PPARGC1A: variants seen among roughly 807,000 people sequenced by gnomAD.
PPARGC1A encodes the protein PPARG coactivator 1 alpha, also known as peroxisome proliferator-activated receptor gamma coactivator 1-alpha.
In PPARGC1A, 25 loss-of-function variants were observed where a neutral mutation model predicts 88.7. The observed-to-expected ratio is 0.28, with a 90% CI of 0.21 to 0.39. The LOEUF is 0.39. Among genes scored for constraint, PPARGC1A ranks in the 10% least tolerant of loss-of-function variants. The pLI, the probability that PPARGC1A is intolerant of heterozygous loss-of-function variation, is 1.00. For synonymous variants in PPARGC1A, 363 were observed against 355.6 expected, an observed-to-expected ratio of 1.02 and a Z score of -0.24; for missense variants, 880 against 968.7, an observed-to-expected ratio of 0.91 and a Z score of 1.22.
At chr4:23,898,892 G>C (rs961633792) in intron 1 of PPARGC1A, among the ~76,000 whole-genome samples, 1 of 148,312 alleles carries the variant, frequency 6.7e-6, no homozygotes, top group African/African-American at 2.5e-5. Flanking sequence ...CTGGAATACA[G>C]TGGTGCAATC....
the PPARGC1A span, among the ~76,000 whole-genome samples, chr4:24,363,618 A>G: frequency 6.6e-6 from 1 of 152,202 alleles, no homozygotes. Context: ...AACAAACAAA[A>G]TCTGCCTACT....
At chr4:24,194,786 G>T in the PPARGC1A span, among the ~76,000 whole-genome samples, 2 of 152,094 alleles carry the variant, frequency 1.3e-5, no homozygotes, top group Admixed American at 1.3e-4. Context: ...TTCCTGGTAG[G>T]AACAGAGCAA....
At chr4:24,287,811 C>G in the PPARGC1A span, among the ~76,000 whole-genome samples, 1 of 152,054 alleles carries the variant, frequency 6.6e-6, no homozygotes, top group African/African-American at 2.4e-5. Context: ...ATTCTTCAGG[C>G]TTTTAATAAA....
the PPARGC1A span, among the ~76,000 whole-genome samples, chr4:24,115,282 T>TA: frequency 3.9e-5 from 6 of 152,206 alleles, no homozygotes; most frequent in South Asian, 2.1e-4. Flanking sequence ...ATTGTCGCTT[T>TA]AAAAAATTCA....
chr4:23,950,511 A>G, the PPARGC1A span, among the ~76,000 whole-genome samples: 1 of 152,284 alleles, frequency 6.6e-6, no homozygotes, highest in East Asian at 1.9e-4. Context: ...GCTGAAAGGT[A>G]TCTTGTAATG....
At chr4:24,217,028 G>A in the PPARGC1A span, among the ~76,000 whole-genome samples, 1 of 152,212 alleles carries the variant, frequency 6.6e-6, no homozygotes, top group Non-Finnish European at 1.5e-5. Flanking sequence ...CACTTACAAA[G>A]TCTGGGGCAG....
the PPARGC1A span, among the ~76,000 whole-genome samples, chr4:24,084,047 G>T: frequency 6.6e-6 from 1 of 152,146 alleles, no homozygotes; most frequent in South Asian, 2.1e-4. Flanking sequence ...ACATGCTCAC[G>T]GTCACACAGC....
At chr4:24,438,616 G>A in the PPARGC1A span, among the ~76,000 whole-genome samples, 84 of 152,158 alleles carry the variant, frequency 5.5e-4, no homozygotes, top group African/African-American at 1.5e-3. Flanking sequence ...TTCTGTTTGC[G>A]ATGTGTTTTG....
At chr4:24,187,007 T>C in the PPARGC1A span, among the ~76,000 whole-genome samples, 1 of 152,214 alleles carries the variant, frequency 6.6e-6, no homozygotes, top group East Asian at 1.9e-4. Context: ...TTACTCTTCC[T>C]ACAATGAGTA....
At chr4:24,273,880 G>A in the PPARGC1A span, among the ~76,000 whole-genome samples, 5 of 151,588 alleles carry the variant, frequency 3.3e-5, no homozygotes, top group African/African-American at 9.7e-5. Context: ...ACAGGCACCC[G>A]CCACCACGCC....
At chr4:24,458,955 G>GTGA in the PPARGC1A span, among the ~76,000 whole-genome samples, 1 of 152,008 alleles carries the variant, frequency 6.6e-6, no homozygotes, top group Non-Finnish European at 1.5e-5. Flanking sequence ...CAAAATATCT[G>GTGA]TGATTATCTC....
At chr4:24,168,642 GACAC>G in the PPARGC1A span, among the ~76,000 whole-genome samples, 76 of 148,168 alleles carry the variant, frequency 5.1e-4, 1 homozygote, top group Middle Eastern at 3.5e-3. Flanking sequence ...CACAGACATA[GACAC>G]ACACACACAC....
At chr4:23,905,004 T>A (rs144652095), upstream of PPARGC1A, among the ~76,000 whole-genome samples, 8 of 152,300 alleles carry the variant, frequency 5.3e-5, no homozygotes, top group African/African-American at 1.9e-4. Context: ...ATGCCCAAAC[T>A]AGTTCTCCCT....
chr4:24,146,009 G>A, the PPARGC1A span, among the ~76,000 whole-genome samples: 3 of 152,186 alleles, frequency 2.0e-5, no homozygotes, highest in Non-Finnish European at 4.4e-5. Flanking sequence ...AACCCAGAGA[G>A]CAGCTTCAAG....
chr4:23,865,340 G>A (rs1711690900), intron 2 of PPARGC1A, among the ~76,000 whole-genome samples: 3 of 152,200 alleles, frequency 2.0e-5, no homozygotes, highest in African/African-American at 7.2e-5. Flanking sequence ...AGGAGAAGCA[G>A]TAAGAACCAG....
chr4:24,053,785 G>C, the PPARGC1A span, among the ~76,000 whole-genome samples: 1 of 152,154 alleles, frequency 6.6e-6, no homozygotes, highest in Non-Finnish European at 1.5e-5. Flanking sequence ...GCTTAAAGCT[G>C]TTAGCATGTG....
the PPARGC1A span, among the ~76,000 whole-genome samples, chr4:24,374,497 C>A: frequency 6.6e-6 from 1 of 151,868 alleles, no homozygotes; most frequent in African/African-American, 2.4e-5. Flanking sequence ...GTATAGCAAA[C>A]CCCCATGACA....
At chr4:24,020,316 C>T in the PPARGC1A span, among the ~76,000 whole-genome samples, 19 of 152,250 alleles carry the variant, frequency 1.2e-4, no homozygotes, top group East Asian at 2.9e-3. Context: ...AGGCTCAATA[C>T]GGCACTGGCA....
chr4:23,800,040 C>A (rs1718371467), intron 12 of PPARGC1A, among the ~76,000 whole-genome samples: 1 of 152,150 alleles, frequency 6.6e-6, no homozygotes, highest in South Asian at 2.1e-4. Context: ...ATCTATTTAG[C>A]TTGTGGAGTG....
Sources: allele counts gnomAD v4.1 joint callset (sites outside exome capture counted in the v4.1 genomes callset), GRCh38; gene constraint gnomAD v4.1.1; transcripts MANE v1.5; gene names NCBI Gene and HGNC (gene_info 2026-07-23, HGNC 2026-07-21).